PRDM1: variants seen among roughly 807,000 people sequenced by gnomAD.
PRDM1 encodes PR domain zinc finger protein 1.
PRDM1 carries 13 observed loss-of-function variants against 62.8 expected under a neutral mutation model. The ratio of observed to expected loss-of-function variants is 0.21; its 90% CI spans 0.13 to 0.33. The LOEUF is 0.33. Among genes scored for constraint, PRDM1 ranks in the 10% least tolerant of loss-of-function variants. PRDM1 has a pLI of 1.00. For synonymous variants in PRDM1, 396 were observed against 417.6 expected (o/e 0.95, Z 0.63); for missense variants, 895 against 1,058.8 (o/e 0.85, Z 2.15).
In PRDM1 at chr6:106,039,075, T is replaced by G. The variant is rs1383209048; in HGVS notation, c.-67+45436T>G. 1.1e-4 allele frequency among the ~76,000 whole-genome samples: 16 copies of G among 151,014 alleles called. No homozygotes were observed. The Admixed American group carries it at 1.1e-3, about 10-fold the overall frequency. ...TATCAAATGAGACAATATATGAGTA[T>G]GTATTTTTAAAACATTTTTTAAATA... On this transcript the variant is annotated intron_variant, in intron 1 of 6. Coordinates refer to the PRDM1 transcript ENST00000652320.
chr6:106,106,046 G>T lies in PRDM1; in HGVS notation c.1773+113G>T, dbSNP rs1050993966. The T allele has an allele frequency of 7.0e-5, 100 of 1,433,272 alleles. No homozygotes were observed. Among genetic ancestry groups the T allele is most frequent in the Non-Finnish European group, 8.8e-5 (95 of 1,078,834 alleles). The allele number at this position is 1,433,272 out of a possible 1,614,324, so 88.8% of individuals were successfully genotyped here. A position where few individuals can be genotyped will look rare whatever the true frequency, so the allele number is the denominator to read the frequency against. ...TTTGCAGTAGTATGAGCCCCCGGTT[G>T]GGGATAGTGGGTATGGATTCCGCCT... On this transcript the variant is annotated intron_variant, in intron 5 of 6. Transcript: ENST00000369096. This position sits in a 1 kb window ranked among gnomAD's most constrained non-coding sequence, Gnocchi z 4.4.
At chr6:105,999,041 A>C (rs1238625102) in intron 1 of PRDM1, among the ~76,000 whole-genome samples, 1 of 151,258 alleles carries the variant, frequency 6.6e-6, no homozygotes, top group Non-Finnish European at 1.5e-5. Flanking sequence ...AGGCTCAAGC[A>C]ATCCTCCCAC....
chr6:106,042,787 A>G (rs1773021536), intron 1 of PRDM1, among the ~76,000 whole-genome samples: 3 of 152,056 alleles, frequency 2.0e-5, no homozygotes, highest in Admixed American at 2.0e-4. Context: ...GAGTGCTAGA[A>G]AGCTTCTCTT....
intron 1 of PRDM1, among the ~76,000 whole-genome samples, chr6:106,060,802 G>T (rs1189739634): frequency 1.1e-4 from 16 of 152,008 alleles, no homozygotes; most frequent in Non-Finnish European, 7.4e-5. Context: ...ACTGGGAGTG[G>T]GTGGCTGGGA....
In PRDM1 at chr6:106,089,184, G is replaced by A. The variant is rs148802871; in HGVS notation, c.291+735G>A. On this transcript the variant is annotated intron_variant, in intron 2 of 6. Coordinates refer to ENST00000369096, the MANE Select transcript of PRDM1 (RefSeq NM_001198.4). ...TTTAATATAAAGATTATAGCTAGGCGTGATGTTTAGCTGTGAAATAACTTG... is the reference window on the plus strand; with the variant it reads ...TTTAATATAAAGATTATAGCTAGGCATGATGTTTAGCTGTGAAATAACTTG... Among the ~76,000 whole-genome samples the A allele has an allele frequency of 3.9e-3, 596 of 152,318 alleles. 8 individuals are homozygous for A. Among genetic ancestry groups the A allele is most frequent in the African/African-American group, 0.014 (567 of 41,562 alleles).
intron 1 of PRDM1, among the ~76,000 whole-genome samples, chr6:106,021,895 CAGG>C (rs1772701017): frequency 6.6e-6 from 1 of 152,216 alleles, no homozygotes; most frequent in Non-Finnish European, 1.5e-5. Context: ...GCTGGGATTA[CAGG>C]CGTGAGCCAC....
At chr6:106,060,848 CAG>C (rs1489954331) in intron 1 of PRDM1, among the ~76,000 whole-genome samples, 1 of 151,838 alleles carries the variant, frequency 6.6e-6, no homozygotes, top group African/African-American at 2.4e-5. Context: ...CAGATGATGA[CAG>C]AGGTAACAAG....
intron 1 of PRDM1, among the ~76,000 whole-genome samples, chr6:106,036,134 C>G (rs951142150): frequency 6.6e-6 from 1 of 151,968 alleles, no homozygotes; most frequent in African/African-American, 2.4e-5. Context: ...GCATTACTGT[C>G]TCTTTAGAAT....
rs141114245 is a variant in PRDM1, at chr6:106,068,894, C to T, written c.-66-19307C>T. On this transcript the variant is annotated intron_variant, in intron 1 of 6. Coordinates refer to the PRDM1 transcript ENST00000651185. ...TGTTTGGAGGCTATGGTACATCCCC[C>T]ATCTGTGGCCACTGTTAGGTCAGCA... Among the ~76,000 whole-genome samples, 1,066 of 152,308 alleles carry T rather than the reference C, an allele frequency of 7.0e-3. 29 individuals carry two copies. The highest frequency in any genetic ancestry group is 0.039 in the Admixed American group (589 of 15,298).
chr6:106,007,991 A>G (rs1439535366), intron 1 of PRDM1, among the ~76,000 whole-genome samples: 2 of 152,206 alleles, frequency 1.3e-5, no homozygotes, highest in Non-Finnish European at 2.9e-5. Context: ...ATCTCTTTTT[A>G]TCTCCAGAAC....
chr6:105,998,287 C>T (rs1447686213), intron 1 of PRDM1, among the ~76,000 whole-genome samples: 2 of 151,980 alleles, frequency 1.3e-5, no homozygotes, highest in African/African-American at 2.4e-5. Context: ...AGAAGTGGCA[C>T]GTGTCTGTAG....
intron 1 of PRDM1, among the ~76,000 whole-genome samples, chr6:106,029,777 G>A (rs139859066): frequency 5.7e-4 from 86 of 150,514 alleles, no homozygotes; most frequent in Non-Finnish European, 1.1e-3. Flanking sequence ...TGGCTAATTG[G>A]TTTTTTTTTG....
chr6:106,070,610 C>G (rs1203233037), intron 1 of PRDM1, among the ~76,000 whole-genome samples: 1 of 152,068 alleles, frequency 6.6e-6, no homozygotes, highest in Non-Finnish European at 1.5e-5. Flanking sequence ...CTCTAAGGCT[C>G]TTGGTATATA....
chr6:106,088,553 A>C lies in PRDM1; in HGVS notation c.291+104A>C, dbSNP rs574416428. 5.1e-5 allele frequency: 65 copies of C among 1,282,850 alleles called. No individual in the cohort carries two copies. In the African/African-American group the frequency reaches 9.5e-4, roughly 19 times the overall value. 79.5% of individuals were successfully genotyped at this position (1,282,850 alleles called of 1,614,324 possible). A position where few individuals can be genotyped will look rare whatever the true frequency, so the allele number is the denominator to read the frequency against. On this transcript the variant is annotated intron_variant, in intron 2 of 6. Transcript: ENST00000369096. ...CTCTGAAAACCTCTGAGAATCTGTAAGTATCAGTAAATAATTGATTGCTCT... is the reference window on the plus strand; with the variant it reads ...CTCTGAAAACCTCTGAGAATCTGTACGTATCAGTAAATAATTGATTGCTCT...
At chr6:106,061,118 A>G (rs571418872) in intron 1 of PRDM1, among the ~76,000 whole-genome samples, 3 of 152,314 alleles carry the variant, frequency 2.0e-5, no homozygotes, top group East Asian at 3.9e-4. Flanking sequence ...GGATTTAGCC[A>G]TGGCAGTTAG....
intron 1 of PRDM1, among the ~76,000 whole-genome samples, chr6:106,017,468 G>A (rs1442997858): frequency 6.6e-6 from 1 of 152,186 alleles, no homozygotes; most frequent in African/African-American, 2.4e-5. Context: ...TGACTCCATT[G>A]TGAACTGGCC....
chr6:106,073,059 C>A (rs1049664502), intron 1 of PRDM1, among the ~76,000 whole-genome samples: 2 of 151,460 alleles, frequency 1.3e-5, no homozygotes, highest in African/African-American at 4.9e-5. Flanking sequence ...TGCCTGTGTG[C>A]ATATATATCA....
At chr6:106,038,208 C>G (rs1446528767) in intron 1 of PRDM1, among the ~76,000 whole-genome samples, 2 of 151,792 alleles carry the variant, frequency 1.3e-5, no homozygotes, top group Non-Finnish European at 2.9e-5. Flanking sequence ...TGGTTTCGAA[C>G]TACTGACCTC....
At chr6:106,031,209 T>C (rs1772839667) in intron 1 of PRDM1, among the ~76,000 whole-genome samples, 1 of 152,190 alleles carries the variant, frequency 6.6e-6, no homozygotes, top group South Asian at 2.1e-4. Context: ...GAAACAAATA[T>C]ACATAAGCCA....
Sources: gnomAD v4.1 joint callset for allele counts (sites outside exome capture counted in the v4.1 genomes callset) on GRCh38, gnomAD v4.1.1 for gene constraint, Gnocchi (gnomAD v3.1) non-coding constraint, MANE v1.5 for transcripts, NCBI Gene and HGNC (gene_info 2026-07-23, HGNC 2026-07-21) for gene names.